Variants in KIF13A observed in about 807,000 individuals in gnomAD.
KIF13A encodes kinesin-like protein KIF13A.
In KIF13A, 79 loss-of-function variants were observed where a neutral mutation model predicts 212.2. The ratio of observed to expected loss-of-function variants is 0.37; its 90% CI spans 0.31 to 0.45. The LOEUF (loss-of-function observed/expected upper bound fraction) is 0.45. KIF13A is among the 20% of genes least tolerant of loss of function. The pLI is 1.00. For synonymous variants in KIF13A, 789 were observed against 808.6 expected, an observed-to-expected ratio of 0.98 and a Z score of 0.41; for missense variants, 1,901 against 2,209.0, an observed-to-expected ratio of 0.86 and a Z score of 2.79.
At chr6:17,869,640 C>G (rs199590862) in intron 4 of KIF13A, among the ~76,000 whole-genome samples, 5 of 6,418 alleles carry the variant, frequency 7.8e-4, no homozygotes, top group Admixed American at 2.8e-3. Flanking sequence ...GCCATTATAC[C>G]CCCACTAGAG....
intron 3 of KIF13A, among the ~76,000 whole-genome samples, chr6:17,887,726 T>C (rs1355462432): frequency 2.0e-5 from 3 of 152,164 alleles, no homozygotes; most frequent in Non-Finnish European, 4.4e-5. Context: ...AGAGTCTCGC[T>C]CTTGTTGCCC....
At chr6:17,986,396 C>T (rs1271172370) in intron 2 of KIF13A, among the ~76,000 whole-genome samples, 1 of 152,170 alleles carries the variant, frequency 6.6e-6, no homozygotes, top group African/African-American at 2.4e-5. Flanking sequence ...AAATATGTTG[C>T]CATCTAGTAA....
intron 22 of KIF13A, among the ~76,000 whole-genome samples, chr6:17,797,884 T>A (rs1561985448): frequency 6.6e-6 from 1 of 151,916 alleles, no homozygotes; most frequent in Non-Finnish European, 1.5e-5. Flanking sequence ...GGCAACAGAG[T>A]GAGACATCGT....
In KIF13A at chr6:17,787,001, C is replaced by G. The variant is rs1761112965; in HGVS notation, c.3361+775G>C. Among the ~76,000 whole-genome samples, 2 of 152,176 alleles carry G rather than the reference C, an allele frequency of 1.3e-5. No homozygotes were observed. The highest frequency in any genetic ancestry group is 4.1e-4 in the South Asian group (2 of 4,828). On this transcript the variant is annotated intron_variant, in intron 27 of 38. Transcript: ENST00000259711. The surrounding 1 kb of genome is among the most constrained non-coding windows in gnomAD (Gnocchi z 4.6). ...AGTGGCCACTGCTAGCATAAGCAAA[C>G]TGCACCCTTGGAGCTGAGTGGCAGT... is the stretch of plus-strand genomic sequence containing the variant.
Position 17,825,280 on chromosome 6 carries a change from T to C in KIF13A, c.1786+488A>G, listed in dbSNP as rs1247856533. Among the ~76,000 whole-genome samples, 1 of 152,232 alleles carries C rather than the reference T, an allele frequency of 6.6e-6. No homozygotes were observed. The highest frequency in any genetic ancestry group is 1.5e-5 in the Non-Finnish European group (1 of 68,032). ...AAAGCATTTCATTTTCACTATCATT[T>C]TTGTAAAAGTGATCTGGGCTTATTA... On this transcript the variant is annotated intron_variant, in intron 16 of 38. Coordinates refer to ENST00000259711, the MANE Select transcript of KIF13A (RefSeq NM_022113.6). The surrounding 1 kb of genome is among the most constrained non-coding windows in gnomAD (Gnocchi z 4.5).
chr6:17,851,816 C>A (rs574935293), intron 7 of KIF13A, 139 bp downstream of exon 7: 3 of 433,534 alleles, frequency 6.9e-6, no homozygotes, highest in Admixed American at 4.4e-5. Context: ...TCTCTGTTTG[C>A]GGTGTGCTGA....
downstream of KIF13A, among the ~76,000 whole-genome samples, chr6:17,762,978 C>A (rs554283099): frequency 1.6e-4 from 24 of 152,284 alleles, no homozygotes; most frequent in African/African-American, 5.3e-4. Context: ...TTTTACCAAG[C>A]CTCTTTCTAG....
intron 2 of KIF13A, among the ~76,000 whole-genome samples, chr6:17,976,298 G>A (rs1338926622): frequency 6.6e-6 from 1 of 152,240 alleles, no homozygotes; most frequent in African/African-American, 2.4e-5. Context: ...GGGAGGCTCA[G>A]GCATGGCGGG....
chr6:17,808,711 T>C (rs2150344071), intron 18 of KIF13A, 57 bp downstream of exon 18: 1 of 1,508,462 alleles, frequency 6.6e-7, no homozygotes, highest in Non-Finnish European at 9.0e-7. Flanking sequence ...TTTTAGATCC[T>C]ATTTTACAAT....
chr6:17,905,204 CT>C (rs1773391859), intron 2 of KIF13A, among the ~76,000 whole-genome samples: 2 of 152,330 alleles, frequency 1.3e-5, no homozygotes, highest in African/African-American at 4.8e-5. Context: ...GACAATTCTT[CT>C]TCTTCCAATG....
At chr6:17,863,644 C>T (rs1769069852) in intron 4 of KIF13A, among the ~76,000 whole-genome samples, 1 of 152,148 alleles carries the variant, frequency 6.6e-6, no homozygotes, top group Admixed American at 6.5e-5. Context: ...ACTGTTGATA[C>T]AGTCTCTGTC....
chr6:17,949,960 T>C (rs1211228341), intron 2 of KIF13A, among the ~76,000 whole-genome samples: 5 of 152,118 alleles, frequency 3.3e-5, no homozygotes, highest in African/African-American at 1.2e-4. Context: ...CAAAATGCAG[T>C]CACAAACTTA....
At chr6:17,812,936 T>C (rs570126750) in intron 17 of KIF13A, among the ~76,000 whole-genome samples, 5 of 152,252 alleles carry the variant, frequency 3.3e-5, no homozygotes, top group Non-Finnish European at 5.9e-5. Flanking sequence ...TTGGTGATAA[T>C]GAACACTTCT....
In KIF13A at chr6:17,837,112, A is replaced by G; in HGVS notation, c.943-22T>C. ...TGTCCTGCCAAGTATTTCAAACAGC[A>G]TCTTAGGAAGCCCATTCCATGGACA... On this transcript the variant is annotated intron_variant, in intron 10 of 38. Transcript: ENST00000259711. This position sits in a 1 kb window ranked among gnomAD's most constrained non-coding sequence, Gnocchi z 5.4. 1 of 1,604,284 alleles carries G rather than the reference A, an allele frequency of 6.2e-7. No individual in the cohort carries two copies. The highest frequency in any genetic ancestry group is 8.5e-7 in the Non-Finnish European group (1 of 1,171,668).
intron 16 of KIF13A, among the ~76,000 whole-genome samples, chr6:17,820,211 G>C (rs1455381618): frequency 1.3e-5 from 2 of 152,126 alleles, no homozygotes; most frequent in Admixed American, 1.3e-4. Flanking sequence ...TAGGCATGAT[G>C]AGTGGCCACA....
chr6:17,874,471 T>C (rs1490430874), intron 3 of KIF13A, among the ~76,000 whole-genome samples: 1 of 152,088 alleles, frequency 6.6e-6, no homozygotes, highest in African/African-American at 2.4e-5. Flanking sequence ...AGTCTCGCTT[T>C]GTTGCCCAGG....
In KIF13A at chr6:17,779,691, G is replaced by GAAA; in HGVS notation, c.3847-10_3847-8dup. ...TCAAACTCTGCGTGAAACTCTAGTAGAAAAAAAAAAAAGCTGTATTAAGCT... is the reference window on the plus strand; with the variant it reads ...TCAAACTCTGCGTGAAACTCTAGTAGAAAAAAAAAAAAAAAGCTGTATTAAGCT... On this transcript the variant is annotated splice_region_variant and splice_polypyrimidine_tract_variant and intron_variant, in intron 31 of 38. Transcript: ENST00000259711. 14 of 791,498 alleles carry GAAA rather than the reference G, an allele frequency of 1.8e-5. No individual in the cohort carries two copies. Among genetic ancestry groups the GAAA allele is most frequent in the African/African-American group, 4.0e-5 (2 of 50,156 alleles). 49.0% of individuals were successfully genotyped at this position (791,498 alleles called of 1,614,324 possible). A position where few individuals can be genotyped will look rare whatever the true frequency, so the allele number is the denominator to read the frequency against.
chr6:17,861,959 C>A (rs914314424), intron 4 of KIF13A, among the ~76,000 whole-genome samples: 3 of 152,094 alleles, frequency 2.0e-5, no homozygotes, highest in Non-Finnish European at 4.4e-5. Flanking sequence ...AATCCTTTTT[C>A]ACCCCCAAAT....
At chr6:17,791,890 A>G (rs1191478536) in intron 25 of KIF13A, among the ~76,000 whole-genome samples, 3 of 124,094 alleles carry the variant, frequency 2.4e-5, no homozygotes, top group South Asian at 5.7e-4. Context: ...ACAGAGAGAG[A>G]GACTCTGTCT....
Sources: gnomAD v4.1 joint callset for allele counts (sites outside exome capture counted in the v4.1 genomes callset) on GRCh38, gnomAD v4.1.1 for gene constraint, Gnocchi (gnomAD v3.1) non-coding constraint, MANE v1.5 for transcripts, NCBI Gene and HGNC (gene_info 2026-07-23, HGNC 2026-07-21) for gene names.